NLRP4: variants seen among roughly 807,000 people sequenced by gnomAD.
NLRP4 encodes NLR family pyrin domain containing 4, also known as NACHT, LRR and PYD domains-containing protein 4.
In NLRP4, 44 loss-of-function variants were observed where a neutral mutation model predicts 84.7. The ratio of observed to expected loss-of-function variants is 0.52; its 90% CI spans 0.41 to 0.67. The LOEUF (loss-of-function observed/expected upper bound fraction) is 0.67, where lower values mean the gene tolerates loss of function less well. NLRP4 is among the 30% of genes least tolerant of loss of function. The probability of loss-of-function intolerance (pLI) is 0.00; values close to 1 mark genes in which losing one functional copy is unlikely to be tolerated. For missense variants in NLRP4, 1,260 were observed against 1,219.4 expected, an observed-to-expected ratio of 1.03 and a Z score of -0.50; for synonymous variants, 544 against 476.4, an observed-to-expected ratio of 1.14 and a Z score of -1.85.
At position 55,851,486 on chromosome 19, in the gene NLRP4, T is replaced by C. The variant is rs1445645234; in HGVS notation, c.-65-530T>C. Among the ~76,000 whole-genome samples the C allele has an allele frequency of 4.4e-4, 5 of 11,478 alleles. 1 individual carries two copies. In the East Asian group the frequency reaches 0.012, roughly 27 times the overall value. The allele number at this position is 11,478 out of a possible 152,430, so 7.5% of individuals were successfully genotyped here. The stretch of plus-strand genomic sequence containing the variant: ...TGTAATGTCCGAGGCTGCGGTGTAA[T>C]GTCCGTGGCTGCGGTGTAATGTCCG... On this transcript the variant is annotated intron_variant, in intron 1 of 9. Coordinates refer to ENST00000301295, the MANE Select transcript of NLRP4 (RefSeq NM_134444.5).
At chr19:55,869,451 A>G (rs912331170) in intron 6 of NLRP4, among the ~76,000 whole-genome samples, 1 of 152,102 alleles carries the variant, frequency 6.6e-6, no homozygotes, top group African/African-American at 2.4e-5. Context: ...GATCCGTGAG[A>G]GAAGCAAGCT....
Position 55,861,544 on chromosome 19 carries a change from T to C in NLRP4, c.2015T>C (p.Leu672Pro). The C allele has an allele frequency of 6.2e-7, 1 of 1,613,780 alleles. No individual in the cohort carries two copies. The highest frequency in any genetic ancestry group is 8.5e-7 in the Non-Finnish European group (1 of 1,179,830). Residue 672 changes from leucine to proline, a missense_variant, in exon 4 of 10, where the codon CTT becomes CCT. By Grantham distance (98) the Leu-to-Pro change is moderately conservative. Around this residue, in one of 3 missense-constraint regions of NLRP4, gnomAD observed 544 missense variants for 531.7 expected, o/e 1.02. Transcript: ENST00000301295. ...CATCCCAGCTGTCGCCTTCAGAAGC[T>C]TGGGTGAGTTGAGAATCGACTTCGA... ...LRHPSCRLQK[L>P]GINNVSFSGQ...
rs377362683 is a variant in NLRP4 at position 55,878,854 on chromosome 19, C to T, written c.2757C>T (p.Cys919=). 7 of 1,613,806 alleles carry T rather than the reference C, an allele frequency of 4.3e-6. No homozygotes were observed. The highest frequency in any genetic ancestry group is 5.9e-6 in the Non-Finnish European group (7 of 1,179,866). ...AGGATCTCGCGTCTGTTCTCACCTG[C>T]AGTAAGACCCTGCAGCAGCTCAACC... ...CCKDLASVLT[C]SKTLQQLNLT... Residue 919 remains cysteine, a synonymous_variant, in exon 9 of 10, where the codon TGC becomes TGT. Transcript: ENST00000301295.
In NLRP4 at chr19:55,852,053, G is replaced by A; in HGVS notation, c.-28G>A. 6.4e-7 allele frequency: 1 copy of A among 1,557,444 alleles called. No homozygotes were observed. The highest frequency in any genetic ancestry group is 2.2e-5 in the East Asian group (1 of 44,528). On this transcript the variant is annotated 5_prime_UTR_variant, in exon 2 of 10. Coordinates refer to ENST00000301295, the MANE Select transcript of NLRP4 (RefSeq NM_134444.5). ...TATTGTTCCTGGTCACTGTCTCTTTGAGGATTGGTATCTCTGCTCCAGAAA... is the reference window on the plus strand; with the variant it reads ...TATTGTTCCTGGTCACTGTCTCTTTAAGGATTGGTATCTCTGCTCCAGAAA...
At chr19:55,864,760 A>AT (rs1216291812) in intron 5 of NLRP4, among the ~76,000 whole-genome samples, 2 of 152,024 alleles carry the variant, frequency 1.3e-5, no homozygotes, top group Non-Finnish European at 2.9e-5. Flanking sequence ...ATATTTACTT[A>AT]TTTTTTATTA....
intron 1 of NLRP4, among the ~76,000 whole-genome samples, chr19:55,842,022 T>C (rs921191653): frequency 3.9e-5 from 6 of 152,216 alleles, no homozygotes; most frequent in African/African-American, 1.4e-4. Context: ...CTGTTTTCCA[T>C]AGTGGTTCTG....
chr19:55,853,731 TTC>T (rs148938375), intron 2 of NLRP4, among the ~76,000 whole-genome samples: 3,894 of 142,918 alleles, frequency 0.027, 88 homozygotes, highest in East Asian at 0.093. Context: ...TTCTTTCTCT[TTC>T]TCTTTTCCTT....
chr19:55,870,529 T>C (rs1048371206), intron 6 of NLRP4, among the ~76,000 whole-genome samples: 4 of 152,074 alleles, frequency 2.6e-5, no homozygotes, highest in African/African-American at 7.2e-5. Context: ...GAGATGTGGT[T>C]GTGGGTGCCT....
Position 55,877,175 on chromosome 19 carries a change from C to T in NLRP4, c.2696+9C>T, listed in dbSNP as rs774322295. On this transcript the variant is annotated intron_variant, in intron 8 of 9. Transcript: ENST00000301295. ...CGCTTAGAGATTCTTGGGTGGGTAT[C>T]GCCAAGCTCCTGGTTATGTTTTCAT... The T allele has an allele frequency of 1.1e-5, 17 of 1,611,268 alleles. No individual in the cohort carries two copies. The highest frequency in any genetic ancestry group is 8.8e-5 in the South Asian group (8 of 90,908).
In NLRP4 at chr19:55,873,500, G is replaced by A. The variant is rs116863151; in HGVS notation, c.2525+2503G>A. 4.2e-3 allele frequency among the ~76,000 whole-genome samples: 645 copies of A among 152,178 alleles called. 1 individual carries two copies. The highest frequency in any genetic ancestry group is 7.2e-3 in the Non-Finnish European group (490 of 67,966). ...GATTAAATGTTTCAGCTAAAAGATT[G>A]CCATATTAAAACGTAACTAATGTTT... On this transcript the variant is annotated intron_variant, in intron 7 of 9. Coordinates refer to ENST00000301295, the MANE Select transcript of NLRP4 (RefSeq NM_134444.5).
chr19:55,859,083 G>A lies in NLRP4; in HGVS notation c.1690G>A (p.Ala564Thr), dbSNP rs758847750. The change falls in exon 3 of 10, where the codon GCC becomes ACC. Residue 564 changes from alanine to threonine, a missense_variant. By Grantham distance (58) the Ala-to-Thr change is moderately conservative. Transcript: ENST00000301295. ...CTGTCTCTTTGAAATGCAGGATCCT[G>A]CCTTTGTGAAGCAGGCAGTGAACCT... ...FYCLFEMQDP[A>T]FVKQAVNLLQ... 18 of 1,613,954 alleles carry A rather than the reference G, an allele frequency of 1.1e-5. No individual in the cohort carries two copies. In the South Asian group the frequency reaches 1.8e-4, roughly 16 times the overall value.
At chr19:55,867,585 G>A (rs561909591) in intron 5 of NLRP4, 124 bp from the exon 6 acceptor site, 10 of 784,844 alleles carry the variant, frequency 1.3e-5, no homozygotes, top group Non-Finnish European at 2.1e-5. Flanking sequence ...CAAGAACAGG[G>A]TTGGGAGGCA....
chr19:55,877,658 A>G (rs1172286954), intron 8 of NLRP4, among the ~76,000 whole-genome samples: 1 of 152,196 alleles, frequency 6.6e-6, no homozygotes, highest in Non-Finnish European at 1.5e-5. Flanking sequence ...AAGTGTCAGC[A>G]GAGTTGGCTC....
chr19:55,855,355 A>G (rs1984369484), intron 2 of NLRP4, among the ~76,000 whole-genome samples: 1 of 152,172 alleles, frequency 6.6e-6, no homozygotes, highest in Admixed American at 6.5e-5. Flanking sequence ...TTGAGGTTGT[A>G]CCCACTTAAT....
chr19:55,857,333 G>A (rs1405363695), intron 2 of NLRP4: 2 of 360,108 alleles, frequency 5.6e-6, no homozygotes, highest in South Asian at 9.1e-5. Flanking sequence ...GAATGTGTGT[G>A]TGTGTGTGTG....
intron 1 of NLRP4, among the ~76,000 whole-genome samples, chr19:55,839,055 C>T (rs1983505392): frequency 6.6e-6 from 1 of 151,586 alleles, no homozygotes; most frequent in Non-Finnish European, 1.5e-5. Context: ...GTTTGCTGCA[C>T]CTGTCAACTG....
At chr19:55,852,562 C>T (rs2123020003) in intron 2 of NLRP4, among the ~76,000 whole-genome samples, 1 of 151,422 alleles carries the variant, frequency 6.6e-6, no homozygotes, top group East Asian at 1.9e-4. Flanking sequence ...CCGCAACCTC[C>T]ACCTCCCAGG....
At chr19:55,871,644 C>T (rs968146471) in intron 7 of NLRP4, among the ~76,000 whole-genome samples, 1 of 152,066 alleles carries the variant, frequency 6.6e-6, no homozygotes, top group Non-Finnish European at 1.5e-5. Context: ...TTACCTAATC[C>T]ATTAGGAAAT....
At position 55,857,294 on chromosome 19, in the gene NLRP4, G is replaced by T. The variant is rs115320876; in HGVS notation, c.281-380G>T. ...TGTGTGTGTGTGTCTATTGAAAGCAGAAGTTGTCAAACTTTACGTAGTAGC... is the reference window on the plus strand; with the variant it reads ...TGTGTGTGTGTGTCTATTGAAAGCATAAGTTGTCAAACTTTACGTAGTAGC... On this transcript the variant is annotated intron_variant, in intron 2 of 9. Transcript: ENST00000301295. Among the ~76,000 whole-genome samples the T allele has an allele frequency of 2.0e-5, 3 of 150,838 alleles. No individual in the cohort carries two copies. The Admixed American group carries it at 2.0e-4, about 10-fold the overall frequency.
Sources: gnomAD v4.1 joint callset for allele counts (sites outside exome capture counted in the v4.1 genomes callset) on GRCh38, gnomAD v4.1.1 for gene constraint, gnomAD v4.1.1 regional missense constraint, MANE v1.5 for transcripts, NCBI Gene and HGNC (gene_info 2026-07-23, HGNC 2026-07-21) for gene names.